AGAP1: variants seen among roughly 807,000 people sequenced by gnomAD.
AGAP1 encodes ArfGAP with GTPase domain, ankyrin repeat and PH domain 1.
In AGAP1, 29 loss-of-function variants were observed where a neutral mutation model predicts 105.3. That is an observed-to-expected ratio of 0.28 (90% confidence interval 0.21 to 0.38). The LOEUF (loss-of-function observed/expected upper bound fraction) is 0.38. Among genes scored for constraint, AGAP1 ranks in the 10% least tolerant of loss-of-function variants. The probability of loss-of-function intolerance (pLI) is 1.00; values close to 1 mark genes in which losing one functional copy is unlikely to be tolerated. For missense variants in AGAP1, 998 were observed against 1,165.1 expected (o/e 0.86, Z 2.09); for synonymous variants, 509 against 485.9 (o/e 1.05, Z -0.63).
In AGAP1 at chr2:235,993,453, G is replaced by A. The variant is rs901037060; in HGVS notation, c.1645+24830G>A. The stretch of plus-strand genomic sequence containing the variant: ...ACGTGGTATGTCCCTGATGGAAACT[G>A]CTTCTCAAAGTGGAAGACAGGGAGC... On this transcript the variant is annotated intron_variant, in intron 13 of 17. Transcript: ENST00000304032. This position sits in a 1 kb window ranked among gnomAD's most constrained non-coding sequence, Gnocchi z 5.0. Among the ~76,000 whole-genome samples, 1 of 152,208 alleles carries A rather than the reference G, an allele frequency of 6.6e-6. No homozygotes were observed. The highest frequency in any genetic ancestry group is 2.4e-5 in the African/African-American group (1 of 41,458).
At chr2:235,576,462 G>A (rs1000134819) in intron 1 of AGAP1, among the ~76,000 whole-genome samples, 2 of 152,214 alleles carry the variant, frequency 1.3e-5, no homozygotes, top group Admixed American at 1.3e-4. Context: ...TGGTCACCAG[G>A]CAGGTGGTGC....
At chr2:235,651,386 G>T (rs1295893506) in intron 1 of AGAP1, among the ~76,000 whole-genome samples, 1 of 151,904 alleles carries the variant, frequency 6.6e-6, no homozygotes, top group Non-Finnish European at 1.5e-5. Context: ...ACATACTCCA[G>T]TCCTCATTTT....
Position 236,001,500 on chromosome 2 carries a change from A to G in AGAP1, c.1645+32877A>G, listed in dbSNP as rs1380645736. ...GTGGGCTGCAGGGGCTGAAGTAGGC[A>G]GTGGTGACAGTGGCTTCCCCAGGCA... is the stretch of plus-strand genomic sequence containing the variant. On this transcript the variant is annotated intron_variant, in intron 13 of 17. Coordinates refer to ENST00000304032, the MANE Select transcript of AGAP1 (RefSeq NM_001037131.3). The surrounding 1 kb of genome is among the most constrained non-coding windows in gnomAD (Gnocchi z 4.7). Among the ~76,000 whole-genome samples the G allele has an allele frequency of 6.6e-6, 1 of 152,106 alleles. No individual in the cohort carries two copies. The highest frequency in any genetic ancestry group is 1.5e-5 in the Non-Finnish European group (1 of 68,022).
Position 236,127,005 on chromosome 2 carries a change from TC to T in AGAP1, c.*2884del, listed in dbSNP as rs1167025753. 1 of 152,264 alleles carries T rather than the reference TC, an allele frequency of 6.6e-6. No individual in the cohort carries two copies. The highest frequency in any genetic ancestry group is 1.5e-5 in the Non-Finnish European group (1 of 68,070). The allele number at this position is 152,264 out of a possible 1,614,324, so 9.4% of individuals were successfully genotyped here. A position where few individuals can be genotyped will look rare whatever the true frequency, so the allele number is the denominator to read the frequency against. On this transcript the variant is annotated 3_prime_UTR_variant, in exon 18 of 18. Coordinates refer to ENST00000304032, the MANE Select transcript of AGAP1 (RefSeq NM_001037131.3). The surrounding 1 kb of genome is among the most constrained non-coding windows in gnomAD (Gnocchi z 6.6). ...AGTTCTGTGACGTGACGATGACAGATCACCACTGCAGGATCCCCCTCACCTT... is the reference window on the plus strand; with the variant it reads ...AGTTCTGTGACGTGACGATGACAGATACCACTGCAGGATCCCCCTCACCTT...
chr2:235,948,232 G>C (rs556883279), intron 12 of AGAP1, among the ~76,000 whole-genome samples: 2 of 152,310 alleles, frequency 1.3e-5, no homozygotes, highest in East Asian at 3.9e-4. Flanking sequence ...ATCCAGGCTG[G>C]AGTGCAGTGG....
At chr2:235,707,335 C>T (rs1950583175) in intron 1 of AGAP1, among the ~76,000 whole-genome samples, 1 of 149,222 alleles carries the variant, frequency 6.7e-6, no homozygotes, top group Non-Finnish European at 1.5e-5. Context: ...AGATCTCCTC[C>T]TGATCTACCC....
Position 235,686,656 on chromosome 2 carries a change from TATATATATA to T in AGAP1, c.164-22522_164-22514del, listed in dbSNP as rs1559351151. The stretch of plus-strand genomic sequence containing the variant: ...ATATATATATATATAGATATATATA[TATATATATA>T]TTTTTTTTTTTTTTTAGACAGAGTC... On this transcript the variant is annotated intron_variant, in intron 1 of 17. Transcript: ENST00000304032. Among the ~76,000 whole-genome samples, 383 of 58,408 alleles carry T rather than the reference TATATATATA, an allele frequency of 6.6e-3. 13 individuals carry two copies. Among genetic ancestry groups the T allele is most frequent in the Non-Finnish European group, 8.5e-3 (291 of 34,310 alleles). The allele number at this position is 58,408 out of a possible 152,430, so 38.3% of individuals were successfully genotyped here. A position where few individuals can be genotyped will look rare whatever the true frequency, so the allele number is the denominator to read the frequency against.
intron 5 of AGAP1, among the ~76,000 whole-genome samples, chr2:235,749,206 T>C (rs1416636290): frequency 7.2e-6 from 1 of 137,978 alleles, no homozygotes; most frequent in African/African-American, 2.7e-5. Flanking sequence ...AGACTCCATC[T>C]CATTAAAAAA....
rs2049110993 is a variant in AGAP1, at chr2:235,865,351, T to C, written c.1051-17994T>C. ...AAGGTCGCGCGGGTGAGCTGACCTG[T>C]GTGTGGCGCAGCCTTGGGTTCCGCA... is the stretch of plus-strand genomic sequence containing the variant. On this transcript the variant is annotated intron_variant, in intron 9 of 17. Coordinates refer to ENST00000304032, the MANE Select transcript of AGAP1 (RefSeq NM_001037131.3). This position sits in a 1 kb window ranked among gnomAD's most constrained non-coding sequence, Gnocchi z 6.2. Among the ~76,000 whole-genome samples the C allele has an allele frequency of 6.6e-6, 1 of 152,158 alleles. No homozygotes were observed. Among genetic ancestry groups the C allele is most frequent in the Non-Finnish European group, 1.5e-5 (1 of 68,020 alleles).
intron 1 of AGAP1, among the ~76,000 whole-genome samples, chr2:235,686,829 A>ATT (rs869224839): frequency 5.7e-5 from 8 of 139,806 alleles, no homozygotes; most frequent in African/African-American, 1.6e-4. Flanking sequence ...AATTAAAATA[A>ATT]TTTTTTTTTT....
rs1478244219 is a variant in AGAP1 at position 236,085,148 on chromosome 2, G to A, written c.2115-35044G>A. Among the ~76,000 whole-genome samples, 7 of 150,416 alleles carry A rather than the reference G, an allele frequency of 4.7e-5. No homozygotes were observed. In the East Asian group the frequency reaches 5.9e-4, roughly 13 times the overall value. Reference sequence around the variant, plus strand: ...GGAGAATCACGTGAACCCGGGAGGCGGAGGTCGCAGTGAGCCAAGATTGTG... The same window carrying A: ...GGAGAATCACGTGAACCCGGGAGGCAGAGGTCGCAGTGAGCCAAGATTGTG... On this transcript the variant is annotated intron_variant, in intron 16 of 17. Transcript: ENST00000304032.
chr2:235,618,607 T>A (rs1005556043), intron 1 of AGAP1, among the ~76,000 whole-genome samples: 9 of 152,232 alleles, frequency 5.9e-5, no homozygotes, highest in African/African-American at 1.9e-4. Context: ...TAAGGTCCAT[T>A]TTTAAGCTTA....
At chr2:236,069,126 T>TAA (rs1056836570) in intron 16 of AGAP1, among the ~76,000 whole-genome samples, 1 of 138,138 alleles carries the variant, frequency 7.2e-6, no homozygotes, top group Non-Finnish European at 1.6e-5. Flanking sequence ...GACTCCATCT[T>TAA]AAAAAAAAAA....
At chr2:236,041,497 C>T (rs79670574) in intron 15 of AGAP1, among the ~76,000 whole-genome samples, 1,770 of 152,112 alleles carry the variant, frequency 0.012, 38 homozygotes, top group African/African-American at 0.04. Context: ...TCATGATTTC[C>T]GTTGTCTAAT....
At chr2:235,767,934 A>G (rs2675129) in intron 6 of AGAP1, among the ~76,000 whole-genome samples, 38,558 of 151,510 alleles carry the variant, frequency 0.25, 5,299 homozygotes, top group Admixed American at 0.4. Context: ...ACAGGCACCC[A>G]CGCCATCATG....
At position 236,036,681 on chromosome 2, in the gene AGAP1, C is replaced by G. The variant is rs558257856; in HGVS notation, c.1766C>G (p.Ala589Gly). ...WVQAIESQIL[A>G]SLQSCESSKN... Reference sequence around the variant, plus strand: ...CAAGCCATCGAGAGCCAGATCCTGGCCAGCCTGCAGTCGTGCGAGAGCAGC... The same window carrying G: ...CAAGCCATCGAGAGCCAGATCCTGGGCAGCCTGCAGTCGTGCGAGAGCAGC... Residue 589 changes from alanine to glycine, a missense_variant, in exon 14 of 18, where the codon GCC becomes GGC. Physicochemically the swap from Ala to Gly is moderately conservative, Grantham distance 60. Coordinates refer to ENST00000304032, the MANE Select transcript of AGAP1 (RefSeq NM_001037131.3). The surrounding 1 kb of genome is among the most constrained non-coding windows in gnomAD (Gnocchi z 5.7). The G allele has an allele frequency of 6.2e-7, 1 of 1,614,182 alleles. No homozygotes were observed. The highest frequency in any genetic ancestry group is 8.5e-7 in the Non-Finnish European group (1 of 1,180,046).
rs1176851341 is a variant in AGAP1 at position 235,891,572 on chromosome 2, C to T, written c.1155+8123C>T. On this transcript the variant is annotated intron_variant, in intron 10 of 17. Transcript: ENST00000304032. This position sits in a 1 kb window ranked among gnomAD's most constrained non-coding sequence, Gnocchi z 4.2. ...TGGACCTCAGGGCTTCACAGTTCAG[C>T]GTGGCCACCTATTCATCTTCCATGT... Among the ~76,000 whole-genome samples the T allele has an allele frequency of 2.6e-5, 4 of 152,160 alleles. No homozygotes were observed. Among genetic ancestry groups the T allele is most frequent in the Non-Finnish European group, 5.9e-5 (4 of 68,030 alleles).
intron 1 of AGAP1, among the ~76,000 whole-genome samples, chr2:235,598,914 C>T (rs529488143): frequency 1.4e-4 from 21 of 152,310 alleles, no homozygotes; most frequent in African/African-American, 5.1e-4. Context: ...ATTCACTCAT[C>T]TAAATATTTA....
intron 13 of AGAP1, among the ~76,000 whole-genome samples, chr2:236,021,535 C>T (rs1576084193): frequency 6.6e-6 from 1 of 152,134 alleles, no homozygotes; most frequent in Non-Finnish European, 1.5e-5. Flanking sequence ...GGATGAGTAA[C>T]AAACAGTTAC....
Sources: allele counts gnomAD v4.1 joint callset (sites outside exome capture counted in the v4.1 genomes callset), GRCh38; gene constraint gnomAD v4.1.1; non-coding constraint Gnocchi (gnomAD v3.1); transcripts MANE v1.5; gene names NCBI Gene and HGNC (gene_info 2026-07-23, HGNC 2026-07-21).